The following IL1RAPL2 variants were observed in gnomAD, a reference collection of about 807,000 sequenced individuals.
IL1RAPL2 encodes interleukin 1 receptor accessory protein like 2, also known as X-linked interleukin-1 receptor accessory protein-like 2.
Under a neutral mutation model 44.1 loss-of-function variants are expected in IL1RAPL2, and 3 were observed. The ratio of observed to expected loss-of-function variants is 0.07; its 90% CI spans 0.03 to 0.18. The LOEUF is 0.18. IL1RAPL2 is among the 10% of genes least tolerant of loss of function. The pLI is 1.00. For missense variants in IL1RAPL2, 391 were observed against 496.4 expected, an observed-to-expected ratio of 0.79 and a Z score of 2.02; for synonymous variants, 181 against 178.8, an observed-to-expected ratio of 1.01 and a Z score of -0.10.
intron 2 of IL1RAPL2, among the ~76,000 whole-genome samples, chrX:105,094,320 A>T (rs1192323286): frequency 8.9e-6 from 1 of 112,151 alleles, no homozygotes; most frequent in African/African-American, 3.2e-5. Context: ...CAGAGACCAA[A>T]GAAAGAGCAT....
chrX:105,336,758 C>T (rs1433155405), intron 5 of IL1RAPL2, among the ~76,000 whole-genome samples: 1 of 112,215 alleles, frequency 8.9e-6, no homozygotes, highest in Non-Finnish European at 1.9e-5. Context: ...ATACCTTCTT[C>T]ATGATCCAAG....
chrX:105,012,792 T>A (rs1366695534), intron 2 of IL1RAPL2, among the ~76,000 whole-genome samples: 1 of 110,378 alleles, frequency 9.1e-6, no homozygotes, highest in Non-Finnish European at 1.9e-5. Context: ...GTCAATGAAG[T>A]CAGATTTTTT....
At chrX:105,166,537 A>G (rs2033372944) in intron 2 of IL1RAPL2, among the ~76,000 whole-genome samples, 1 of 112,193 alleles carries the variant, frequency 8.9e-6, no homozygotes, top group Non-Finnish European at 1.9e-5. Flanking sequence ...CTCCATTTTC[A>G]AATGCCAGAA....
Position 105,028,473 on chromosome X carries a change from A to C in IL1RAPL2, c.83-167002A>C, listed in dbSNP as rs1021253394. Among the ~76,000 whole-genome samples the C allele has an allele frequency of 8.1e-5, 9 of 111,467 alleles. No individual in the cohort carries two copies. The Admixed American group carries it at 8.7e-4, about 11-fold the overall frequency. On this transcript the variant is annotated intron_variant, in intron 2 of 10. Coordinates refer to ENST00000372582, the MANE Select transcript of IL1RAPL2 (RefSeq NM_017416.2). ...AAGTATATACACCTACTATGTACCC[A>C]ATCAAATTGAAAATTAAATTTTTTT...
At chrX:105,680,239 T>A (rs1395334968) in intron 6 of IL1RAPL2, among the ~76,000 whole-genome samples, 1 of 111,727 alleles carries the variant, frequency 9.0e-6, no homozygotes, top group East Asian at 2.8e-4. Flanking sequence ...GACCTTGTGG[T>A]CCGCCCGCCT....
chrX:105,618,476 G>A (rs998387676), intron 6 of IL1RAPL2, among the ~76,000 whole-genome samples: 8 of 111,246 alleles, frequency 7.2e-5, no homozygotes, highest in Non-Finnish European at 1.3e-4. Context: ...AAGTATGGTT[G>A]GAAATGAAGT....
At chrX:105,686,237 C>A (rs1209717035) in intron 6 of IL1RAPL2, among the ~76,000 whole-genome samples, 1 of 109,367 alleles carries the variant, frequency 9.1e-6, no homozygotes, top group East Asian at 2.9e-4. Context: ...CTAAATGCCC[C>A]AATTAAAAGA....
intron 5 of IL1RAPL2, among the ~76,000 whole-genome samples, chrX:105,293,711 C>T (rs2034633281): frequency 1.8e-5 from 2 of 111,027 alleles, no homozygotes; most frequent in Admixed American, 1.9e-4. Flanking sequence ...ACCCTCGCAC[C>T]TTGGTACAGA....
At chrX:105,072,628 CTT>C (rs2032222801) in intron 2 of IL1RAPL2, among the ~76,000 whole-genome samples, 1 of 110,714 alleles carries the variant, frequency 9.0e-6, no homozygotes. Context: ...AAAGATCACT[CTT>C]ATTCTTTTTT....
intron 1 of IL1RAPL2, among the ~76,000 whole-genome samples, chrX:104,631,957 G>C (rs1929660855): frequency 1.8e-5 from 2 of 110,477 alleles, no homozygotes; most frequent in Admixed American, 9.7e-5. Context: ...TTTTCTTCTA[G>C]GGTTTTTATG....
intron 6 of IL1RAPL2, among the ~76,000 whole-genome samples, chrX:105,494,968 T>G (rs747262808): frequency 4.5e-5 from 5 of 112,099 alleles, no homozygotes; most frequent in Non-Finnish European, 9.4e-5. Context: ...AGCTTACAGG[T>G]TGCAGAAGCC....
chrX:104,891,342 A>G (rs1435533231), intron 2 of IL1RAPL2, among the ~76,000 whole-genome samples: 2 of 112,005 alleles, frequency 1.8e-5, no homozygotes, highest in Non-Finnish European at 3.8e-5. Context: ...GAAGAAAGTC[A>G]TTGGTAGTTT....
intron 5 of IL1RAPL2, among the ~76,000 whole-genome samples, chrX:105,348,693 T>C (rs1458298498): frequency 1.8e-5 from 2 of 111,416 alleles, no homozygotes; most frequent in Non-Finnish European, 3.8e-5. Flanking sequence ...TTTATTCAGG[T>C]GCTGCAGCAA....
chrX:105,672,532 G>A (rs1379229072), intron 6 of IL1RAPL2, among the ~76,000 whole-genome samples: 2 of 112,747 alleles, frequency 1.8e-5, no homozygotes, highest in Non-Finnish European at 3.7e-5. Flanking sequence ...GTAGAGGGAT[G>A]TCTCATTACA....
intron 6 of IL1RAPL2, among the ~76,000 whole-genome samples, chrX:105,513,440 G>A (rs1342138714): frequency 1.8e-5 from 2 of 111,468 alleles, no homozygotes; most frequent in Admixed American, 9.5e-5. Flanking sequence ...GTTGTTTCCT[G>A]ACTTTTTAAT....
chrX:105,626,432 C>T (rs896794134), intron 6 of IL1RAPL2, among the ~76,000 whole-genome samples: 2 of 110,859 alleles, frequency 1.8e-5, no homozygotes, highest in African/African-American at 6.6e-5. Flanking sequence ...CCCAAAATTC[C>T]CTCTCTAGCC....
chrX:104,836,523 C>T (rs1268409328), intron 2 of IL1RAPL2, among the ~76,000 whole-genome samples: 1 of 109,434 alleles, frequency 9.1e-6, no homozygotes, highest in Non-Finnish European at 1.9e-5. Flanking sequence ...ATCTCATGTA[C>T]CCCATAAATA....
At chrX:105,734,361 A>C (rs1057498507) in intron 7 of IL1RAPL2, among the ~76,000 whole-genome samples, 3 of 110,323 alleles carry the variant, frequency 2.7e-5, no homozygotes, top group Non-Finnish European at 5.7e-5. Context: ...TAAGTAGTTT[A>C]GGTCATGATA....
At chrX:104,963,143 A>G (rs911662379) in intron 2 of IL1RAPL2, among the ~76,000 whole-genome samples, 2 of 111,872 alleles carry the variant, frequency 1.8e-5, no homozygotes, top group African/African-American at 3.2e-5. Flanking sequence ...AGTGGTAACC[A>G]TGGTATTTCA....
Sources: allele counts gnomAD v4.1 joint callset (sites outside exome capture counted in the v4.1 genomes callset), GRCh38; gene constraint gnomAD v4.1.1; transcripts MANE v1.5; gene names NCBI Gene and HGNC (gene_info 2026-07-23, HGNC 2026-07-21).